The following SBF2 variants were observed in gnomAD, a reference collection of about 807,000 sequenced individuals.
SBF2 encodes SET binding factor 2, also known as myotubularin-related protein 13.
Under a neutral mutation model 225.2 loss-of-function variants are expected in SBF2, and 112 were observed. That is an observed-to-expected ratio of 0.50 (90% CI 0.43 to 0.58). The LOEUF (loss-of-function observed/expected upper bound fraction) is 0.58, where lower values mean the gene tolerates loss of function less well. Ranked by LOEUF, SBF2 falls within the 20% of genes least tolerant of loss-of-function variation. The pLI is 0.00. For missense variants in SBF2, 1,996 were observed against 2,206.2 expected, an observed-to-expected ratio of 0.90 and a Z score of 1.91; for synonymous variants, 763 against 773.3, an observed-to-expected ratio of 0.99 and a Z score of 0.22.
chr11:10,266,585 G>A (rs2135525889), intron 1 of SBF2, among the ~76,000 whole-genome samples: 1 of 152,258 alleles, frequency 6.6e-6, no homozygotes, highest in Middle Eastern at 3.4e-3. Context: ...TTACTCTGGT[G>A]GCAATATGGA....
At chr11:10,226,378 G>A (rs181476567) in intron 1 of SBF2, among the ~76,000 whole-genome samples, 3 of 151,282 alleles carry the variant, frequency 2.0e-5, no homozygotes, top group Admixed American at 6.6e-5. Flanking sequence ...TGTGCACAAC[G>A]TGCAGGTTTG....
intron 16 of SBF2, among the ~76,000 whole-genome samples, chr11:9,924,937 T>A (rs1863914803): frequency 6.6e-6 from 1 of 151,560 alleles, no homozygotes; most frequent in African/African-American, 2.4e-5. Context: ...TTTGCAGAGA[T>A]GAGGTCTCAC....
chr11:9,888,683 A>G (rs1253055240), intron 17 of SBF2, among the ~76,000 whole-genome samples: 1 of 152,088 alleles, frequency 6.6e-6, no homozygotes, highest in Non-Finnish European at 1.5e-5. Context: ...AGTGATGTCA[A>G]CTCAGTATCT....
chr11:10,197,679 G>C (rs1283810469), intron 1 of SBF2, among the ~76,000 whole-genome samples: 1 of 152,136 alleles, frequency 6.6e-6, no homozygotes, highest in East Asian at 1.9e-4. Flanking sequence ...AATGCTGTTT[G>C]ATGTTATTTT....
rs762408471 is a variant in SBF2, at chr11:10,002,689, C to T, written c.620G>A (p.Gly207Glu). Residue 207 changes from glycine (G) to glutamate (E), a missense_variant and splice_region_variant, in exon 7 of 40, where the codon GGA becomes GAA. By Grantham distance (98) the Gly-to-Glu change is moderately conservative. Transcript: ENST00000256190. ...AAAGAGGCTGAGGACATTTTGAATT[C>T]CTGAAAACATAAGAGCAAGGACTTA... ...TSVALLFQQL[G>E]IQNVLSLFCA... 6.2e-7 allele frequency: 1 copy of T among 1,613,040 alleles called. No homozygotes were observed. The highest frequency in any genetic ancestry group is 1.1e-5 in the South Asian group (1 of 91,054).
intron 2 of SBF2, among the ~76,000 whole-genome samples, chr11:10,167,549 C>T (rs1297232545): frequency 2.0e-5 from 3 of 151,952 alleles, no homozygotes; most frequent in Non-Finnish European, 4.4e-5. Flanking sequence ...GCCTGGGCAA[C>T]AGAGCAACAC....
chr11:10,085,200 G>C (rs1165772483), intron 2 of SBF2, among the ~76,000 whole-genome samples: 1 of 152,138 alleles, frequency 6.6e-6, no homozygotes, highest in Non-Finnish European at 1.5e-5. Context: ...CCAGTTTCTT[G>C]ATTCATTTTT....
chr11:10,062,493 G>C (rs557539823), intron 2 of SBF2, among the ~76,000 whole-genome samples: 2 of 152,112 alleles, frequency 1.3e-5, no homozygotes, highest in African/African-American at 4.8e-5. Context: ...AAATTTATAA[G>C]AGAAGAACAA....
At chr11:10,228,899 C>T (rs968769651) in intron 1 of SBF2, among the ~76,000 whole-genome samples, 8 of 151,874 alleles carry the variant, frequency 5.3e-5, no homozygotes, top group South Asian at 2.1e-4. Context: ...ATGGTACCAG[C>T]TCCTCCTTGT....
chr11:9,803,313 C>T (rs1853596970), intron 32 of SBF2, among the ~76,000 whole-genome samples: 1 of 151,806 alleles, frequency 6.6e-6, no homozygotes, highest in African/African-American at 2.4e-5. Context: ...TTTTAATTAA[C>T]TTAGCCTTTT....
At chr11:10,049,794 A>G (rs1216548960) in intron 2 of SBF2, among the ~76,000 whole-genome samples, 1 of 152,196 alleles carries the variant, frequency 6.6e-6, no homozygotes, top group Non-Finnish European at 1.5e-5. Context: ...CTTGGGTAGC[A>G]GAACGGTATA....
intron 2 of SBF2, among the ~76,000 whole-genome samples, chr11:10,083,464 T>G (rs561226971): frequency 6.6e-6 from 1 of 152,134 alleles, no homozygotes; most frequent in East Asian, 1.9e-4. Context: ...GGAGGCCCCA[T>G]AGTACCTGGC....
At chr11:10,010,138 A>G (rs142094195) in intron 6 of SBF2, among the ~76,000 whole-genome samples, 5,201 of 152,234 alleles carry the variant, frequency 0.034, 231 homozygotes, top group African/African-American at 0.1. Context: ...GATTCTGGAT[A>G]TTAGCCCTTT....
chr11:10,116,125 C>T (rs1307924673), intron 2 of SBF2, among the ~76,000 whole-genome samples: 1 of 152,110 alleles, frequency 6.6e-6, no homozygotes. Flanking sequence ...GCCGAGATCA[C>T]GCCACTGCAC....
intron 16 of SBF2, among the ~76,000 whole-genome samples, chr11:9,900,053 A>AAAAC (rs1861604710): frequency 6.6e-6 from 1 of 151,366 alleles, no homozygotes; most frequent in African/African-American, 2.4e-5. Context: ...TTAAAAAAAA[A>AAAAC]AAACAGGATT....
intron 2 of SBF2, among the ~76,000 whole-genome samples, chr11:10,174,458 AG>A (rs1396516405): frequency 1.3e-5 from 2 of 152,232 alleles, no homozygotes; most frequent in Admixed American, 6.5e-5. Flanking sequence ...GGAAGTTTAG[AG>A]AAAAAAGAAT....
Position 10,257,475 on chromosome 11 carries a change from T to C in SBF2, c.55+36540A>G, listed in dbSNP as rs74817757. Among the ~76,000 whole-genome samples, 804 of 151,474 alleles carry C rather than the reference T, an allele frequency of 5.3e-3. 8 individuals are homozygous for C. The highest frequency in any genetic ancestry group is 0.018 in the African/African-American group (752 of 41,260). On this transcript the variant is annotated intron_variant, in intron 1 of 39. Transcript: ENST00000256190. Reference sequence around the variant, plus strand: ...GAGCTCAGAAGTTCAGGATCACCTATTATCAGTAGAAACCTTGTATCTACT... The same window carrying C: ...GAGCTCAGAAGTTCAGGATCACCTACTATCAGTAGAAACCTTGTATCTACT...
chr11:10,081,206 T>C (rs187204931), intron 2 of SBF2, among the ~76,000 whole-genome samples: 10 of 152,266 alleles, frequency 6.6e-5, no homozygotes, highest in African/African-American at 2.4e-4. Flanking sequence ...TAAAAAAATC[T>C]CAAAATCATA....
At chr11:10,140,746 T>G (rs1431672499) in intron 2 of SBF2, among the ~76,000 whole-genome samples, 4 of 151,996 alleles carry the variant, frequency 2.6e-5, no homozygotes, top group Non-Finnish European at 5.9e-5. Flanking sequence ...TGGGGAGCAG[T>G]CTTGTGGGAC....
Sources: gnomAD v4.1 joint callset for allele counts (sites outside exome capture counted in the v4.1 genomes callset) on GRCh38, gnomAD v4.1.1 for gene constraint, MANE v1.5 for transcripts, NCBI Gene and HGNC (gene_info 2026-07-23, HGNC 2026-07-21) for gene names.